The following RIMS4 variants were observed in gnomAD, a reference collection of about 807,000 sequenced individuals.
RIMS4 encodes regulating synaptic membrane exocytosis 4.
A neutral mutation model predicts 29.0 loss-of-function variants in RIMS4; 9 were observed. The ratio of observed to expected loss-of-function variants is 0.31; its 90% CI spans 0.19 to 0.54. The LOEUF (loss-of-function observed/expected upper bound fraction) is 0.54. Among genes scored for constraint, RIMS4 ranks in the 20% least tolerant of loss-of-function variants. The pLI is 0.94. For synonymous variants in RIMS4, 130 were observed against 152.9 expected (o/e 0.85, Z 1.10); for missense variants, 193 against 365.7 (o/e 0.53, Z 3.85).
chr20:44,785,594 G>C (rs1463876930), intron 1 of RIMS4, among the ~76,000 whole-genome samples: 1 of 152,078 alleles, frequency 6.6e-6, no homozygotes, highest in Admixed American at 6.6e-5. Flanking sequence ...GATAGAAAAA[G>C]AAAAAGCCTT....
intron 1 of RIMS4, among the ~76,000 whole-genome samples, chr20:44,805,712 C>T (rs1428534398): frequency 6.6e-6 from 1 of 152,072 alleles, no homozygotes; most frequent in African/African-American, 2.4e-5. Context: ...AAGCTCAGGT[C>T]AAATTTCAAG....
At chr20:44,775,717 T>C (rs1251850267) in intron 1 of RIMS4, among the ~76,000 whole-genome samples, 1 of 152,126 alleles carries the variant, frequency 6.6e-6, no homozygotes, top group African/African-American at 2.4e-5. Context: ...CACACGAATC[T>C]CATCTCAGGG....
intron 2 of RIMS4, among the ~76,000 whole-genome samples, chr20:44,769,172 T>C (rs1374312757): frequency 6.6e-6 from 1 of 152,170 alleles, no homozygotes; most frequent in Non-Finnish European, 1.5e-5. Context: ...TTAAAACCCA[T>C]TACAGCAAAC....
chr20:44,764,138 T>TC (rs1568895598), intron 2 of RIMS4, among the ~76,000 whole-genome samples: 12 of 17,064 alleles, frequency 7.0e-4, no homozygotes, highest in South Asian at 2.6e-3. Flanking sequence ...ATCCATCCAT[T>TC]TATGCATCCA....
intron 1 of RIMS4, among the ~76,000 whole-genome samples, chr20:44,798,206 G>A (rs2066262898): frequency 6.6e-6 from 1 of 152,186 alleles, no homozygotes; most frequent in Non-Finnish European, 1.5e-5. Flanking sequence ...TCCAAAGAGG[G>A]ACTTGGAAAG....
At chr20:44,778,336 G>A (rs1292568997) in intron 1 of RIMS4, among the ~76,000 whole-genome samples, 3 of 152,206 alleles carry the variant, frequency 2.0e-5, no homozygotes, top group Non-Finnish European at 2.9e-5. Flanking sequence ...ATTGTACAGA[G>A]GGCAACTGAA....
chr20:44,794,760 C>T (rs1431238293), intron 1 of RIMS4, among the ~76,000 whole-genome samples: 2 of 152,188 alleles, frequency 1.3e-5, no homozygotes, highest in Admixed American at 6.5e-5. Context: ...CACTGGCCCA[C>T]GTGGCCAGCC....
At chr20:44,794,588 T>C (rs1054704747) in intron 1 of RIMS4, among the ~76,000 whole-genome samples, 3 of 152,222 alleles carry the variant, frequency 2.0e-5, no homozygotes, top group African/African-American at 7.2e-5. Context: ...TGGAAAGTAT[T>C]AGAATGAAGA....
chr20:44,783,210 G>T (rs540831678), intron 1 of RIMS4, among the ~76,000 whole-genome samples: 6 of 152,340 alleles, frequency 3.9e-5, no homozygotes, highest in African/African-American at 1.4e-4. Flanking sequence ...GCACACAAAT[G>T]TTCACAGTAG....
At chr20:44,790,047 G>A (rs984786461) in intron 1 of RIMS4, among the ~76,000 whole-genome samples, 2 of 152,258 alleles carry the variant, frequency 1.3e-5, no homozygotes, top group African/African-American at 2.4e-5. Context: ...TGGGACACTG[G>A]ATCAGCACAG....
intron 1 of RIMS4, among the ~76,000 whole-genome samples, chr20:44,803,784 C>T (rs1238876515): frequency 3.3e-5 from 5 of 152,212 alleles, no homozygotes; most frequent in African/African-American, 1.2e-4. Context: ...TGGCTTGGCC[C>T]CCAGGGCCAG....
Position 44,789,174 on chromosome 20 carries a change from C to T in RIMS4, c.98-17761G>A, listed in dbSNP as rs562807049. On this transcript the variant is annotated intron_variant, in intron 1 of 5. Coordinates refer to ENST00000372851, the MANE Select transcript of RIMS4 (RefSeq NM_182970.4). Reference sequence around the variant, plus strand: ...AAAAAGGGAGAGGGTGGTTTAAATCCGGGTCTGTCTGAATTTAAAATCTCT... The same window carrying T: ...AAAAAGGGAGAGGGTGGTTTAAATCTGGGTCTGTCTGAATTTAAAATCTCT... Among the ~76,000 whole-genome samples, 9 of 151,846 alleles carry T rather than the reference C, an allele frequency of 5.9e-5. No homozygotes were observed. The South Asian group carries it at 8.3e-4, about 14-fold the overall frequency.
intron 1 of RIMS4, among the ~76,000 whole-genome samples, chr20:44,786,300 G>A (rs1177166680): frequency 6.6e-6 from 1 of 152,134 alleles, no homozygotes; most frequent in Admixed American, 6.5e-5. Flanking sequence ...ACTGCTCCAT[G>A]GTTGGCCAAG....
chr20:44,785,666 C>G (rs975510961), intron 1 of RIMS4, among the ~76,000 whole-genome samples: 8 of 152,086 alleles, frequency 5.3e-5, no homozygotes, highest in Non-Finnish European at 7.4e-5. Context: ...GGTGTGACAT[C>G]AGACAACTTT....
At chr20:44,758,709 C>T (rs1002356033) in intron 2 of RIMS4, among the ~76,000 whole-genome samples, 1 of 152,200 alleles carries the variant, frequency 6.6e-6, no homozygotes, top group African/African-American at 2.4e-5. Flanking sequence ...ATCCCTTCCC[C>T]TCGGCCAGTG....
intron 1 of RIMS4, among the ~76,000 whole-genome samples, chr20:44,793,090 C>T (rs868728417): frequency 1.6e-4 from 24 of 152,058 alleles, no homozygotes; most frequent in Non-Finnish European, 5.9e-5. Context: ...CTCTAACTTG[C>T]ATAAGGATGC....
intron 2 of RIMS4, among the ~76,000 whole-genome samples, chr20:44,764,151 T>TATCCATCCATCCATCC (rs376980648): frequency 9.8e-5 from 4 of 40,724 alleles, no homozygotes; most frequent in African/African-American, 3.5e-4. Context: ...TGCATCCATT[T>TATCCATCCATCCATCC]ATCCATCCAT....
At chr20:44,788,827 A>G (rs982727242) in intron 1 of RIMS4, among the ~76,000 whole-genome samples, 3 of 152,264 alleles carry the variant, frequency 2.0e-5, no homozygotes, top group Non-Finnish European at 2.9e-5. Context: ...GATGATGCTG[A>G]TAACAGTGAC....
chr20:44,772,495 A>C (rs1040261993), intron 1 of RIMS4, among the ~76,000 whole-genome samples: 7 of 152,156 alleles, frequency 4.6e-5, no homozygotes, highest in African/African-American at 1.7e-4. Context: ...AACCAACCGT[A>C]AGGTGGATGC....
Sources: allele counts gnomAD v4.1 joint callset (sites outside exome capture counted in the v4.1 genomes callset), GRCh38; gene constraint gnomAD v4.1.1; transcripts MANE v1.5; gene names NCBI Gene and HGNC (gene_info 2026-07-23, HGNC 2026-07-21).